The following BCAT1 variants were observed in gnomAD, a reference collection of about 807,000 sequenced individuals.
The protein encoded by BCAT1 is branched-chain-amino-acid aminotransferase, cytosolic.
In BCAT1, 48 loss-of-function variants were observed where a neutral mutation model predicts 52.4. The observed-to-expected ratio is 0.92, with a 90% CI of 0.73 to 1.16. BCAT1 has a LOEUF of 1.16. Ranked by LOEUF, BCAT1 falls within the 50% of genes most tolerant of loss-of-function variation. The pLI, the probability that BCAT1 is intolerant of heterozygous loss-of-function variation, is 0.00. For synonymous variants in BCAT1, 167 were observed against 161.3 expected, an observed-to-expected ratio of 1.04 and a Z score of -0.27; for missense variants, 451 against 457.1, an observed-to-expected ratio of 0.99 and a Z score of 0.12.
Position 24,849,742 on chromosome 12 carries a change from C to A in BCAT1, c.674+44G>T. 2.6e-6 allele frequency: 4 copies of A among 1,563,058 alleles called. No individual in the cohort carries two copies. In the South Asian group the frequency reaches 4.8e-5, roughly 19 times the overall value. On this transcript the variant is annotated intron_variant, in intron 6 of 10. Transcript: ENST00000261192. ...AGTGAAATGGCACTAACTAAATGGT[C>A]ATGAAGGTGTCTTTCCTTTAGACAG... is the stretch of plus-strand genomic sequence containing the variant.
At chr12:24,825,155 A>C (rs1468934556) in intron 10 of BCAT1, among the ~76,000 whole-genome samples, 4 of 136,628 alleles carry the variant, frequency 2.9e-5, no homozygotes, top group Non-Finnish European at 6.4e-5. Context: ...ATATATATAT[A>C]TCTTTATGCC....
At chr12:24,871,764 C>T (rs1942189230) in intron 5 of BCAT1, among the ~76,000 whole-genome samples, 2 of 152,070 alleles carry the variant, frequency 1.3e-5, no homozygotes. Flanking sequence ...GCAAGAACAG[C>T]CTCAAGATGA....
chr12:24,861,652 G>T (rs1941852123), intron 5 of BCAT1, among the ~76,000 whole-genome samples: 1 of 152,236 alleles, frequency 6.6e-6, no homozygotes, highest in South Asian at 2.1e-4. Flanking sequence ...TGGGATTAAG[G>T]GTCCCTTTGG....
intron 6 of BCAT1, among the ~76,000 whole-genome samples, chr12:24,845,518 C>A (rs773648183): frequency 6.6e-6 from 1 of 152,186 alleles, no homozygotes; most frequent in Non-Finnish European, 1.5e-5. Flanking sequence ...CAGGGGACGT[C>A]TGGTAGAAAG....
At chr12:24,840,544 G>A (rs1178226417) in intron 7 of BCAT1, among the ~76,000 whole-genome samples, 1 of 152,190 alleles carries the variant, frequency 6.6e-6, no homozygotes, top group Admixed American at 6.5e-5. Flanking sequence ...ATGGAAGGAT[G>A]AGAATGATCT....
At position 24,924,279 on chromosome 12, in the gene BCAT1, A is replaced by T. The variant is rs567662337; in HGVS notation, c.7-22394T>A. Among the ~76,000 whole-genome samples the T allele has an allele frequency of 2.0e-5, 3 of 152,344 alleles. No individual in the cohort carries two copies. In the South Asian group the frequency reaches 6.2e-4, roughly 32 times the overall value. On this transcript the variant is annotated intron_variant, in intron 1 of 10. Transcript: ENST00000261192. ...AACCCCTTCTTTACACAAGAATGCTACTCAATGCCAAGAATGATATAATTA... is the reference window on the plus strand; with the variant it reads ...AACCCCTTCTTTACACAAGAATGCTTCTCAATGCCAAGAATGATATAATTA...
intron 1 of BCAT1, among the ~76,000 whole-genome samples, chr12:24,930,220 G>T (rs1214040764): frequency 6.6e-6 from 1 of 152,182 alleles, no homozygotes; most frequent in Non-Finnish European, 1.5e-5. Flanking sequence ...CCACTGCAAT[G>T]ATGCACATTC....
chr12:24,911,142 AC>A (rs1317150300), intron 1 of BCAT1, among the ~76,000 whole-genome samples: 2 of 152,118 alleles, frequency 1.3e-5, no homozygotes, highest in Non-Finnish European at 2.9e-5. Context: ...ATCATGAAAA[AC>A]ATGACACATT....
intron 5 of BCAT1, among the ~76,000 whole-genome samples, chr12:24,854,465 T>C (rs1325898765): frequency 2.0e-5 from 3 of 152,122 alleles, no homozygotes; most frequent in Non-Finnish European, 4.4e-5. Flanking sequence ...GAAGTTTAAA[T>C]TGTTAAAGGG....
intron 2 of BCAT1, 100 bp from the exon 3 acceptor site, chr12:24,894,575 T>C (rs1181244095): frequency 3.1e-5 from 33 of 1,047,850 alleles, no homozygotes; most frequent in Non-Finnish European, 4.3e-5. Context: ...AATTGACTTT[T>C]AAAGGTTAGC....
intron 9 of BCAT1, among the ~76,000 whole-genome samples, chr12:24,831,213 T>C (rs7138685): frequency 0.61 from 92,423 of 152,000 alleles, 28,794 homozygotes; most frequent in East Asian, 0.83. Flanking sequence ...CCCTTCCCCA[T>C]GATTTTCGTA....
intron 3 of BCAT1, among the ~76,000 whole-genome samples, chr12:24,891,897 T>C (rs896952933): frequency 3.0e-4 from 45 of 147,922 alleles, no homozygotes; most frequent in East Asian, 1.6e-3. Flanking sequence ...TACAGGCGCC[T>C]GCCACCACGC....
chr12:24,877,819 T>G lies in BCAT1; in HGVS notation c.510+711A>C, dbSNP rs540607254. 3.0e-4 allele frequency among the ~76,000 whole-genome samples: 46 copies of G among 152,288 alleles called. 1 individual carries two copies. The South Asian group carries it at 5.0e-3, about 16-fold the overall frequency. On this transcript the variant is annotated intron_variant, in intron 5 of 10. Transcript: ENST00000261192. ...ACAGCACTGCATTTACTCATTTATG[T>G]GCTGTCTATGGCTGCTTTAGTACTA...
At chr12:24,823,694 C>A (rs4400889) in intron 10 of BCAT1, among the ~76,000 whole-genome samples, 134,950 of 151,710 alleles carry the variant, frequency 0.89, 60,276 homozygotes, top group African/African-American at 0.97. Context: ...TCCCACCCTC[C>A]CTCTCCTCCT....
At chr12:24,827,539 C>T (rs992920438) in intron 10 of BCAT1, among the ~76,000 whole-genome samples, 2 of 152,194 alleles carry the variant, frequency 1.3e-5, no homozygotes, top group African/African-American at 4.8e-5. Flanking sequence ...TGCCTGTAAT[C>T]TCAGCACTTT....
At chr12:24,937,026 C>T (rs916368248) in intron 1 of BCAT1, among the ~76,000 whole-genome samples, 2 of 152,136 alleles carry the variant, frequency 1.3e-5, no homozygotes, top group South Asian at 2.1e-4. Context: ...AAGCATTGGA[C>T]GACATATGGT....
chr12:24,847,557 G>T (rs1005077446), intron 6 of BCAT1, among the ~76,000 whole-genome samples: 1 of 152,280 alleles, frequency 6.6e-6, no homozygotes, highest in Admixed American at 6.5e-5. Flanking sequence ...AAAAAACTAA[G>T]AGAGATAATT....
At chr12:24,944,740 C>G (rs994103499) in intron 1 of BCAT1, among the ~76,000 whole-genome samples, 1 of 152,204 alleles carries the variant, frequency 6.6e-6, no homozygotes, top group Non-Finnish European at 1.5e-5. Flanking sequence ...AAAGACTATT[C>G]TTAATGGAAC....
chr12:24,839,883 C>CT (rs201229436), intron 7 of BCAT1, among the ~76,000 whole-genome samples: 13 of 151,126 alleles, frequency 8.6e-5, no homozygotes, highest in African/African-American at 2.4e-4. Flanking sequence ...AATTGCATGT[C>CT]TTTTTTTTTA....
Sources: gnomAD v4.1 joint callset for allele counts (sites outside exome capture counted in the v4.1 genomes callset) on GRCh38, gnomAD v4.1.1 for gene constraint, MANE v1.5 for transcripts, NCBI Gene and HGNC (gene_info 2026-07-23, HGNC 2026-07-21) for gene names.